The following HMGB1 variants were observed in gnomAD, a reference collection of about 807,000 sequenced individuals.
HMGB1 encodes high mobility group protein B1.
For synonymous variants in HMGB1, 81 were observed against 84.0 expected (o/e 0.96, Z 0.19); for missense variants, 79 against 253.5 (o/e 0.31, Z 4.67).
intron 1 of HMGB1, among the ~76,000 whole-genome samples, chr13:30,549,189 C>T (rs1404072949): frequency 6.6e-6 from 1 of 152,034 alleles, no homozygotes; most frequent in Non-Finnish European, 1.5e-5. Context: ...CCCAGCTACT[C>T]AGGTGCTCGC....
At chr13:30,591,323 C>T (rs1432019956) in intron 1 of HMGB1, among the ~76,000 whole-genome samples, 2 of 151,940 alleles carry the variant, frequency 1.3e-5, no homozygotes, top group East Asian at 1.9e-4. Flanking sequence ...TGAACCATCG[C>T]GCCTGGCCGA....
chr13:30,483,017 C>T (rs1252412383), intron 1 of HMGB1, among the ~76,000 whole-genome samples: 1 of 151,544 alleles, frequency 6.6e-6, no homozygotes, highest in Non-Finnish European at 1.5e-5. Flanking sequence ...TGGTCCCGAA[C>T]TTCTGGCCTT....
At chr13:30,557,936 C>T (rs1165667304) in intron 1 of HMGB1, among the ~76,000 whole-genome samples, 1 of 152,162 alleles carries the variant, frequency 6.6e-6, no homozygotes, top group African/African-American at 2.4e-5. Flanking sequence ...ACAGTTATGC[C>T]AGTGTCCCTG....
rs1356201662 is a variant in HMGB1 at position 30,456,780 on chromosome 13, G to GGGGGGGGGGGGA, written c.*4576_*4577insTCCCCCCCCCCC. On this transcript the variant is annotated 3_prime_UTR_variant, in exon 5 of 5. Coordinates refer to ENST00000341423, the MANE Select transcript of HMGB1 (RefSeq NM_002128.7). ...GTGGGCGGGGGGGGGGGGTGGTGGGGTGCAATTTATCAACATCTTCCAAAA... is the reference window on the plus strand; with the variant it reads ...GTGGGCGGGGGGGGGGGGTGGTGGGGGGGGGGGGGGGATGCAATTTATCAACATCTTCCAAAA... 8.3e-6 allele frequency: 1 copy of GGGGGGGGGGGGA among 120,400 alleles called. No individual in the cohort carries two copies. Among genetic ancestry groups the GGGGGGGGGGGGA allele is most frequent in the African/African-American group, 4.1e-5 (1 of 24,568 alleles). The allele number at this position is 120,400 out of a possible 1,614,324, so 7.5% of individuals were successfully genotyped here. A position where few individuals can be genotyped will look rare whatever the true frequency, so the allele number is the denominator to read the frequency against.
intron 2 of HMGB1, 76 bp from the exon 3 acceptor site, chr13:30,463,428 G>T: frequency 6.6e-7 from 1 of 1,513,244 alleles, no homozygotes; most frequent in Non-Finnish European, 9.0e-7. Flanking sequence ...CTTTTGCTAT[G>T]TAATAGCGTC....
upstream of HMGB1, among the ~76,000 whole-genome samples, chr13:30,466,979 T>C (rs1886806444): frequency 6.6e-6 from 1 of 152,234 alleles, no homozygotes; most frequent in Non-Finnish European, 1.5e-5. Context: ...TGTAGGTATA[T>C]GGTTACCCGA....
At chr13:30,586,485 T>G (rs1006724219) in intron 1 of HMGB1, among the ~76,000 whole-genome samples, 23 of 141,178 alleles carry the variant, frequency 1.6e-4, no homozygotes, top group Admixed American at 9.2e-4. Flanking sequence ...TTTTGTTTTT[T>G]TTTTTTTTTT....
At chr13:30,578,063 G>GTGCA (rs1566030374) in intron 1 of HMGB1, among the ~76,000 whole-genome samples, 3 of 151,866 alleles carry the variant, frequency 2.0e-5, no homozygotes, top group Admixed American at 2.0e-4. Flanking sequence ...AAGAGACTCC[G>GTGCA]TGCAGTTCCT....
chr13:30,503,109 G>A (rs969113690), intron 1 of HMGB1, among the ~76,000 whole-genome samples: 3 of 152,002 alleles, frequency 2.0e-5, no homozygotes, highest in Non-Finnish European at 4.4e-5. Context: ...AGGCCGAGGC[G>A]AGGGATCATG....
Position 30,559,706 on chromosome 13 carries a change from A to C in HMGB1, c.-15+56965T>G, listed in dbSNP as rs1593312351. 6.9e-6 allele frequency among the ~76,000 whole-genome samples: 1 copy of C among 145,794 alleles called. No individual in the cohort carries two copies. The highest frequency in any genetic ancestry group is 6.7e-5 in the Admixed American group (1 of 15,002). ...GCTCAACTAAGGCATAACTGAACTC[A>C]AGATTTACAAAAATGTATTTCAGCC... is the stretch of plus-strand genomic sequence containing the variant. On this transcript the variant is annotated intron_variant, in intron 1 of 4. Transcript: ENST00000405805. This position sits in a 1 kb window ranked among gnomAD's most constrained non-coding sequence, Gnocchi z 6.6.
At chr13:30,528,192 C>T (rs1888413607) in intron 1 of HMGB1, among the ~76,000 whole-genome samples, 1 of 152,200 alleles carries the variant, frequency 6.6e-6, no homozygotes, top group Non-Finnish European at 1.5e-5. Context: ...CTCAGGGCTC[C>T]CATCGCCAGC....
chr13:30,577,093 A>C (rs1316041863), intron 1 of HMGB1, among the ~76,000 whole-genome samples: 1 of 152,168 alleles, frequency 6.6e-6, no homozygotes. Context: ...CTGTAATCCC[A>C]GTATTTTGGG....
chr13:30,461,059 C>T lies in HMGB1; in HGVS notation c.*298G>A, dbSNP rs1886294140. The T allele has an allele frequency of 1.1e-6, 1 of 934,948 alleles. No homozygotes were observed. The highest frequency in any genetic ancestry group is 1.3e-6 in the Non-Finnish European group (1 of 766,014). The allele number at this position is 934,948 out of a possible 1,614,324, so 57.9% of individuals were successfully genotyped here. On this transcript the variant is annotated 3_prime_UTR_variant, in exon 5 of 5. Coordinates refer to ENST00000341423, the MANE Select transcript of HMGB1 (RefSeq NM_002128.7). ...ACTGAAGATGAAAAAACTACCATCC[C>T]CATATATAACTAATTTGTGCTGTGC...
chr13:30,561,065 C>T (rs1566025603), intron 1 of HMGB1, among the ~76,000 whole-genome samples: 1 of 151,682 alleles, frequency 6.6e-6, no homozygotes, highest in Non-Finnish European at 1.5e-5. Flanking sequence ...AGCCAGGTAC[C>T]CCCTGGATTT....
chr13:30,538,470 CTT>C (rs1381717714), intron 1 of HMGB1, among the ~76,000 whole-genome samples: 1 of 45,986 alleles, frequency 2.2e-5, no homozygotes, highest in Non-Finnish European at 4.7e-5. Context: ...TTCTTTCTTT[CTT>C]TCTTTCTTTC....
At chr13:30,556,676 T>C (rs1009146889) in intron 1 of HMGB1, among the ~76,000 whole-genome samples, 2 of 152,206 alleles carry the variant, frequency 1.3e-5, no homozygotes, top group African/African-American at 2.4e-5. Context: ...AAACAGTGCA[T>C]GTTCTCACTC....
chr13:30,496,057 T>A (rs1321904667), intron 1 of HMGB1, among the ~76,000 whole-genome samples: 1 of 152,234 alleles, frequency 6.6e-6, no homozygotes, highest in Non-Finnish European at 1.5e-5. Context: ...TTTAACTTTT[T>A]TAGTTTTAAT....
chr13:30,458,993 A>G lies in HMGB1; in HGVS notation c.*2364T>C, dbSNP rs1454260300. 6.6e-6 allele frequency: 1 copy of G among 152,184 alleles called. No homozygotes were observed. Among genetic ancestry groups the G allele is most frequent in the Admixed American group, 6.5e-5 (1 of 15,284 alleles). 9.4% of individuals were successfully genotyped at this position (152,184 alleles called of 1,614,324 possible). A position where few individuals can be genotyped will look rare whatever the true frequency, so the allele number is the denominator to read the frequency against. On this transcript the variant is annotated 3_prime_UTR_variant, in exon 5 of 5. Transcript: ENST00000341423. Reference sequence around the variant, plus strand: ...AATACAAAAAAACTAAGATTTATACATCTTAGTTCATTAGTTTTAAAAAGC... The same window carrying G: ...AATACAAAAAAACTAAGATTTATACGTCTTAGTTCATTAGTTTTAAAAAGC...
chr13:30,490,435 C>T (rs1466128258), intron 1 of HMGB1, among the ~76,000 whole-genome samples: 1 of 151,972 alleles, frequency 6.6e-6, no homozygotes, highest in Non-Finnish European at 1.5e-5. Context: ...GCCTGGCCAA[C>T]ACGGCAAAAC....
Sources: gnomAD v4.1 joint callset for allele counts (sites outside exome capture counted in the v4.1 genomes callset) on GRCh38, gnomAD v4.1.1 for gene constraint, Gnocchi (gnomAD v3.1) non-coding constraint, MANE v1.5 for transcripts, NCBI Gene and HGNC (gene_info 2026-07-23, HGNC 2026-07-21) for gene names.